The following PRKG2 variants were observed in gnomAD, a reference collection of about 807,000 sequenced individuals.
The protein encoded by PRKG2 is protein kinase cGMP-dependent 2, also known as cGMP-dependent protein kinase 2.
Under a neutral mutation model 97.2 loss-of-function variants are expected in PRKG2, and 33 were observed. The observed-to-expected ratio is 0.34, with a 90% CI of 0.26 to 0.45. The LOEUF (loss-of-function observed/expected upper bound fraction) is 0.45, where lower values mean the gene tolerates loss of function less well. PRKG2 is among the 20% of genes least tolerant of loss of function. The pLI is 1.00. For synonymous variants in PRKG2, 330 were observed against 321.8 expected (o/e 1.03, Z -0.27); for missense variants, 638 against 900.0 (o/e 0.71, Z 3.73).
At chr4:81,092,024 ATTTTCACCTTTT>A (rs758794313) in intron 18 of PRKG2, among the ~76,000 whole-genome samples, 36 of 152,276 alleles carry the variant, frequency 2.4e-4, no homozygotes, top group Non-Finnish European at 4.3e-4. Flanking sequence ...AATTAAAATT[ATTTTCACCTTTT>A]TTTTCACCTT....
At chr4:81,110,674 C>T (rs1743809570) in intron 14 of PRKG2, 63 bp from the exon 15 acceptor site, 4 of 1,570,778 alleles carry the variant, frequency 2.5e-6, no homozygotes, top group Non-Finnish European at 3.5e-6. Context: ...CTTTAAGCCT[C>T]CCTCTTACCT....
At chr4:81,147,020 A>G (rs1251138026) in intron 9 of PRKG2, among the ~76,000 whole-genome samples, 1 of 152,206 alleles carries the variant, frequency 6.6e-6, no homozygotes, top group Non-Finnish European at 1.5e-5. Flanking sequence ...TCTTATCCAC[A>G]GAAAATATTC....
chr4:81,144,028 G>A (rs1355277094), intron 10 of PRKG2, among the ~76,000 whole-genome samples: 4 of 152,036 alleles, frequency 2.6e-5, no homozygotes, highest in Admixed American at 2.6e-4. Context: ...CAAAATAAAG[G>A]AGCAGACTAT....
Position 81,087,698 on chromosome 4 carries a change from C to G in PRKG2, c.*2010G>C, listed in dbSNP as rs1027006445. The G allele has an allele frequency of 1.1e-4, 17 of 152,078 alleles. No individual in the cohort carries two copies. The highest frequency in any genetic ancestry group is 2.9e-5 in the Non-Finnish European group (2 of 67,980). The allele number at this position is 152,078 out of a possible 1,614,324, so 9.4% of individuals were successfully genotyped here. A position where few individuals can be genotyped will look rare whatever the true frequency, so the allele number is the denominator to read the frequency against. On this transcript the variant is annotated 3_prime_UTR_variant, in exon 19 of 19. Coordinates refer to ENST00000264399, the MANE Select transcript of PRKG2 (RefSeq NM_006259.3). ...AAGCTAAATCACTTTCCCAGAGTCACTCAGTTAGGAAATGGTGGAGTTGGG... is the reference window on the plus strand; with the variant it reads ...AAGCTAAATCACTTTCCCAGAGTCAGTCAGTTAGGAAATGGTGGAGTTGGG...
chr4:81,208,278 G>T (rs1753786487), intron 1 of PRKG2, among the ~76,000 whole-genome samples: 1 of 152,150 alleles, frequency 6.6e-6, no homozygotes, highest in African/African-American at 2.4e-5. Context: ...GCAGGTATCA[G>T]ACATGAAGTA....
chr4:81,147,705 G>T (rs7682873), intron 9 of PRKG2, among the ~76,000 whole-genome samples: 1 of 152,082 alleles, frequency 6.6e-6, no homozygotes, highest in East Asian at 1.9e-4. Flanking sequence ...AACACAGGGA[G>T]CACTGCTGGG....
chr4:81,200,876 C>T (rs1030661959), intron 2 of PRKG2, among the ~76,000 whole-genome samples: 1 of 152,182 alleles, frequency 6.6e-6, no homozygotes, highest in African/African-American at 2.4e-5. Flanking sequence ...AAACAGGCTA[C>T]ATGCCCACTG....
chr4:81,120,599 A>C (rs548507269), intron 14 of PRKG2, among the ~76,000 whole-genome samples: 1 of 152,132 alleles, frequency 6.6e-6, no homozygotes, highest in Non-Finnish European at 1.5e-5. Context: ...CTACTTGTTC[A>C]TTGCTAGTAT....
chr4:81,210,192 AGACC>A (rs1753895042), intron 1 of PRKG2, among the ~76,000 whole-genome samples: 1 of 152,110 alleles, frequency 6.6e-6, no homozygotes, highest in Non-Finnish European at 1.5e-5. Flanking sequence ...TTTAGATAAA[AGACC>A]AAAAAGCCTG....
chr4:81,098,563 C>G (rs1481542631), intron 17 of PRKG2, among the ~76,000 whole-genome samples: 2 of 152,218 alleles, frequency 1.3e-5, no homozygotes, highest in Non-Finnish European at 2.9e-5. Flanking sequence ...AGACTTGAGA[C>G]TGTTTCTTTT....
chr4:81,185,667 G>A (rs1473614923), intron 2 of PRKG2, among the ~76,000 whole-genome samples: 4 of 135,478 alleles, frequency 3.0e-5, no homozygotes, highest in Non-Finnish European at 5.9e-5. Context: ...CCACTTAAAA[G>A]ACACAGACTT....
At chr4:81,165,640 G>A (rs1480493323) in intron 6 of PRKG2, among the ~76,000 whole-genome samples, 1 of 152,130 alleles carries the variant, frequency 6.6e-6, no homozygotes, top group Non-Finnish European at 1.5e-5. Flanking sequence ...TATGAATAAA[G>A]AGTCCTTTAT....
rs1179527497 is a variant in PRKG2, at chr4:81,096,103, G to A, written c.2127-3651C>T. ...CTGCTGACTGACAAGGGCAGGGGTC[G>A]CTGAAGGTTGGAGAGGCTGTGGTAA... On this transcript the variant is annotated intron_variant, in intron 17 of 18. Transcript: ENST00000264399. Among the ~76,000 whole-genome samples the A allele has an allele frequency of 2.0e-5, 3 of 152,150 alleles. No homozygotes were observed. The East Asian group carries it at 5.8e-4, about 29-fold the overall frequency.
At chr4:81,099,347 C>G (rs554204985) in intron 17 of PRKG2, among the ~76,000 whole-genome samples, 1 of 152,070 alleles carries the variant, frequency 6.6e-6, no homozygotes, top group Non-Finnish European at 1.5e-5. Context: ...AGCAGCACAT[C>G]AAAAAGCTTA....
At chr4:81,164,787 G>A (rs185419063) in intron 6 of PRKG2, among the ~76,000 whole-genome samples, 7 of 152,238 alleles carry the variant, frequency 4.6e-5, no homozygotes, top group Admixed American at 4.6e-4. Flanking sequence ...AAACACCTCA[G>A]CTTTGTGAAA....
rs573209930 is a variant in PRKG2 at position 81,144,221 on chromosome 4, C to T, written c.1253+11G>A. ...GTCAGCTCCGGCTCAGGAAAACATT[C>T]CTCCACTTACTTCGCATGTCTTTTT... On this transcript the variant is annotated intron_variant, in intron 10 of 18. Coordinates refer to ENST00000264399, the MANE Select transcript of PRKG2 (RefSeq NM_006259.3). The T allele has an allele frequency of 1.3e-6, 2 of 1,591,500 alleles. No homozygotes were observed. The highest frequency in any genetic ancestry group is 1.7e-6 in the Non-Finnish European group (2 of 1,159,694).
chr4:81,216,811 T>G (rs1337762158), upstream of PRKG2, among the ~76,000 whole-genome samples: 1 of 151,694 alleles, frequency 6.6e-6, no homozygotes, highest in Non-Finnish European at 1.5e-5. Flanking sequence ...GTAATTTCAC[T>G]TAGGATAATG....
chr4:81,208,736 C>T (rs1226333086), intron 1 of PRKG2, among the ~76,000 whole-genome samples: 1 of 152,044 alleles, frequency 6.6e-6, no homozygotes, highest in Admixed American at 6.6e-5. Flanking sequence ...GAGGTGGTGG[C>T]CGGGAGTAAG....
chr4:81,098,004 G>T (rs756911870), intron 17 of PRKG2, among the ~76,000 whole-genome samples: 1 of 152,124 alleles, frequency 6.6e-6, no homozygotes, highest in Non-Finnish European at 1.5e-5. Flanking sequence ...AAGTTGATTG[G>T]ATTGAAGTAC....
Sources: gnomAD v4.1 joint callset for allele counts (sites outside exome capture counted in the v4.1 genomes callset) on GRCh38, gnomAD v4.1.1 for gene constraint, MANE v1.5 for transcripts, NCBI Gene and HGNC (gene_info 2026-07-23, HGNC 2026-07-21) for gene names.